Variants in FBXL17 observed in about 807,000 individuals in gnomAD.
FBXL17 encodes the protein F-box/LRR-repeat protein 17.
FBXL17 carries 22 observed loss-of-function variants against 66.2 expected under a neutral mutation model. That is an observed-to-expected ratio of 0.33 (90% confidence interval 0.24 to 0.47). FBXL17 has a LOEUF of 0.47. Ranked by LOEUF, FBXL17 falls within the 20% of genes least tolerant of loss-of-function variation. The probability of loss-of-function intolerance (pLI) is 1.00; values close to 1 mark genes in which losing one functional copy is unlikely to be tolerated. For missense variants in FBXL17, 878 were observed against 948.2 expected (o/e 0.93, Z 0.97); for synonymous variants, 474 against 400.5 (o/e 1.18, Z -2.19).
intron 4 of FBXL17, among the ~76,000 whole-genome samples, chr5:108,328,834 C>T (rs997811588): frequency 7.9e-5 from 12 of 151,820 alleles, no homozygotes; most frequent in African/African-American, 2.9e-4. Context: ...TGACAGGTAA[C>T]TGACTGAAGA....
intron 6 of FBXL17, among the ~76,000 whole-genome samples, chr5:108,138,446 G>GT (rs1050556618): frequency 6.6e-6 from 1 of 151,772 alleles, no homozygotes; most frequent in Non-Finnish European, 1.5e-5. Flanking sequence ...GATATCATAC[G>GT]TTTTTTTCTT....
intron 4 of FBXL17, among the ~76,000 whole-genome samples, chr5:108,285,694 A>G (rs773143155): frequency 2.0e-5 from 3 of 151,722 alleles, no homozygotes; most frequent in Non-Finnish European, 4.4e-5. Flanking sequence ...TGGGCTTGAA[A>G]ACAGTGGGCT....
intron 6 of FBXL17, among the ~76,000 whole-genome samples, chr5:108,078,035 A>C (rs1457142884): frequency 6.6e-6 from 1 of 152,172 alleles, no homozygotes; most frequent in African/African-American, 2.4e-5. Flanking sequence ...AAAATACCTC[A>C]GAGGCGCTAG....
chr5:108,381,250 C>A lies in FBXL17; in HGVS notation c.442G>T (p.Ala148Ser). ...ASCCKELGLA[A>S]AAAWEQQGRS... ...CCCTGCTGCTCCCAGGCGGCGGCCGCAGCCAGCCCCAACTCTTTGCAGCAG... is the reference window on the plus strand; with the variant it reads ...CCCTGCTGCTCCCAGGCGGCGGCCGAAGCCAGCCCCAACTCTTTGCAGCAG... Residue 148 changes from alanine (A) to serine (S), a missense_variant, in exon 1 of 9, where the codon GCG becomes TCG. Physicochemically the swap from Ala to Ser is moderately conservative, Grantham distance 99. Coordinates refer to ENST00000542267, the MANE Select transcript of FBXL17 (RefSeq NM_001163315.3). 1 of 1,442,296 alleles carries A rather than the reference C, an allele frequency of 6.9e-7. No homozygotes were observed. Among genetic ancestry groups the A allele is most frequent in the Non-Finnish European group, 9.1e-7 (1 of 1,100,036 alleles). The allele number at this position is 1,442,296 out of a possible 1,614,324, so 89.3% of individuals were successfully genotyped here. A position where few individuals can be genotyped will look rare whatever the true frequency, so the allele number is the denominator to read the frequency against.
At chr5:107,902,051 A>T (rs1484642172) in intron 7 of FBXL17, among the ~76,000 whole-genome samples, 3 of 152,236 alleles carry the variant, frequency 2.0e-5, no homozygotes, top group Admixed American at 6.5e-5. Context: ...AGACAAAAGA[A>T]AAACACCGTG....
chr5:108,020,897 A>G (rs1754573190), intron 7 of FBXL17, 28 bp downstream of exon 7: 5 of 1,475,232 alleles, frequency 3.4e-6, no homozygotes, highest in South Asian at 2.3e-5. Flanking sequence ...ATTCTTAGAA[A>G]GGATTAGGAA....
chr5:108,338,243 G>A (rs1278692914), intron 4 of FBXL17, among the ~76,000 whole-genome samples: 2 of 151,892 alleles, frequency 1.3e-5, no homozygotes, highest in East Asian at 3.9e-4. Context: ...GCGTTCACTT[G>A]GACATTTAAA....
chr5:107,975,599 C>G (rs1752546313), intron 7 of FBXL17, among the ~76,000 whole-genome samples: 2 of 151,828 alleles, frequency 1.3e-5, no homozygotes, highest in African/African-American at 4.8e-5. Flanking sequence ...TTAAAAAGTA[C>G]CTGAAATAAA....
chr5:108,021,055 G>T, intron 6 of FBXL17, 54 bp from the exon 7 acceptor site: 1 of 1,288,422 alleles, frequency 7.8e-7, no homozygotes, highest in Non-Finnish European at 1.1e-6. Context: ...AATTAGCAGG[G>T]GTTTGAATAT....
intron 3 of FBXL17, among the ~76,000 whole-genome samples, chr5:108,348,786 A>C (rs1483820897): frequency 2.0e-5 from 3 of 152,152 alleles, no homozygotes; most frequent in Admixed American, 2.0e-4. Flanking sequence ...TAACAGTTCA[A>C]AATTACATAT....
At chr5:108,156,727 G>T (rs1752011574) in intron 6 of FBXL17, among the ~76,000 whole-genome samples, 1 of 151,676 alleles carries the variant, frequency 6.6e-6, no homozygotes, top group Non-Finnish European at 1.5e-5. Flanking sequence ...ATCTAAAATT[G>T]CTTTTCCTTG....
chr5:107,943,542 CTCA>C (rs1751184438), intron 7 of FBXL17, among the ~76,000 whole-genome samples: 1 of 122,550 alleles, frequency 8.2e-6, no homozygotes, highest in Non-Finnish European at 1.6e-5. Flanking sequence ...TGTTTAGAAC[CTCA>C]TCTTTTTTTT....
chr5:108,053,991 C>T (rs1057322392), intron 6 of FBXL17, among the ~76,000 whole-genome samples: 6 of 152,252 alleles, frequency 3.9e-5, no homozygotes, highest in African/African-American at 1.4e-4. Context: ...AGCCATCACC[C>T]TCAGCAAACT....
chr5:107,893,198 T>C (rs964190141), intron 7 of FBXL17, among the ~76,000 whole-genome samples: 2 of 151,992 alleles, frequency 1.3e-5, no homozygotes, highest in African/African-American at 2.4e-5. Flanking sequence ...AGGAAAGACA[T>C]TGAGAGAAAA....
chr5:107,993,413 G>A (rs1204305041), intron 7 of FBXL17, among the ~76,000 whole-genome samples: 5 of 151,986 alleles, frequency 3.3e-5, no homozygotes, highest in Non-Finnish European at 5.9e-5. Flanking sequence ...AGAGATACAG[G>A]GATTTATTAA....
chr5:108,042,892 G>A (rs1202252587), intron 6 of FBXL17, among the ~76,000 whole-genome samples: 1 of 152,122 alleles, frequency 6.6e-6, no homozygotes, highest in Non-Finnish European at 1.5e-5. Flanking sequence ...ATCCTCAACA[G>A]CATTTGGTTT....
intron 6 of FBXL17, among the ~76,000 whole-genome samples, chr5:108,144,981 A>C (rs1434323352): frequency 1.3e-5 from 2 of 152,192 alleles, no homozygotes; most frequent in African/African-American, 2.4e-5. Flanking sequence ...AACATTTTAA[A>C]CACATTGTTT....
chr5:108,300,681 T>C (rs1758549106), intron 4 of FBXL17, among the ~76,000 whole-genome samples: 1 of 151,772 alleles, frequency 6.6e-6, no homozygotes, highest in South Asian at 2.1e-4. Context: ...TATTCATTAG[T>C]ATGAAATAAC....
intron 5 of FBXL17, among the ~76,000 whole-genome samples, chr5:108,219,488 C>T (rs1261943778): frequency 2.6e-5 from 4 of 152,060 alleles, no homozygotes; most frequent in African/African-American, 9.7e-5. Context: ...GAGTTCAAAA[C>T]CAGCCTGGCT....
Sources: allele counts gnomAD v4.1 joint callset (sites outside exome capture counted in the v4.1 genomes callset), GRCh38; gene constraint gnomAD v4.1.1; transcripts MANE v1.5; gene names NCBI Gene and HGNC (gene_info 2026-07-23, HGNC 2026-07-21).